MECOM: variants seen among roughly 807,000 people sequenced by gnomAD.
The protein encoded by MECOM is MDS1 and EVI1 complex locus, also known as histone-lysine N-methyltransferase MECOM.
Under a neutral mutation model 116.3 loss-of-function variants are expected in MECOM, and 13 were observed. The ratio of observed to expected loss-of-function variants is 0.11; its 90% CI spans 0.07 to 0.18. The LOEUF is 0.18. MECOM is among the 10% of genes least tolerant of loss of function. The pLI, the probability that MECOM is intolerant of heterozygous loss-of-function variation, is 1.00. For synonymous variants in MECOM, 528 were observed against 535.2 expected, an observed-to-expected ratio of 0.99 and a Z score of 0.19; for missense variants, 1,299 against 1,509.0, an observed-to-expected ratio of 0.86 and a Z score of 2.31.
intron 2 of MECOM, among the ~76,000 whole-genome samples, chr3:169,331,866 G>A (rs1054637947): frequency 2.0e-5 from 3 of 151,902 alleles, no homozygotes; most frequent in Non-Finnish European, 4.4e-5. Context: ...TCCTCAAAGA[G>A]GCTTTTGATT....
chr3:169,206,852 T>A (rs1236216895), intron 2 of MECOM, among the ~76,000 whole-genome samples: 3 of 151,782 alleles, frequency 2.0e-5, no homozygotes, highest in Non-Finnish European at 4.4e-5. Context: ...AAAAACAAAT[T>A]CCAAGATGAT....
At chr3:169,124,695 A>G (rs1055546734) in intron 5 of MECOM, among the ~76,000 whole-genome samples, 3 of 152,134 alleles carry the variant, frequency 2.0e-5, no homozygotes, top group Non-Finnish European at 4.4e-5. Flanking sequence ...AGCAGGTATA[A>G]TGACAAGATT....
chr3:169,393,999 A>C (rs974033153), intron 1 of MECOM, among the ~76,000 whole-genome samples: 1 of 152,182 alleles, frequency 6.6e-6, no homozygotes, highest in Non-Finnish European at 1.5e-5. Context: ...TAATTCTATC[A>C]AAAGCACATA....
chr3:169,616,057 G>C (rs1769955313), intron 1 of MECOM, among the ~76,000 whole-genome samples: 1 of 152,200 alleles, frequency 6.6e-6, no homozygotes. Context: ...GGGAGGCAGA[G>C]GGGGAGTCGC....
intron 2 of MECOM, among the ~76,000 whole-genome samples, chr3:169,194,495 TA>T (rs964973170): frequency 3.3e-5 from 5 of 151,740 alleles, no homozygotes; most frequent in South Asian, 2.1e-4. Context: ...ATTTAAAGGT[TA>T]AAAAAAAGCT....
intron 1 of MECOM, among the ~76,000 whole-genome samples, chr3:169,407,890 T>C (rs879371869): frequency 4.6e-5 from 7 of 152,224 alleles, no homozygotes; most frequent in Admixed American, 4.6e-4. Context: ...TTATCCAGAA[T>C]ACTGTGACAT....
intron 2 of MECOM, among the ~76,000 whole-genome samples, chr3:169,271,339 T>C (rs183057281): frequency 2.6e-5 from 4 of 152,302 alleles, no homozygotes; most frequent in Admixed American, 6.5e-5. Flanking sequence ...TCACCAGGCA[T>C]ATTTTTGTTA....
intron 1 of MECOM, among the ~76,000 whole-genome samples, chr3:169,549,541 A>G (rs1218749502): frequency 1.3e-5 from 2 of 152,194 alleles, no homozygotes; most frequent in African/African-American, 2.4e-5. Context: ...ATGAAGCAGC[A>G]GGTGTGGACT....
At position 169,143,824 on chromosome 3, in the gene MECOM, G is replaced by C; in HGVS notation, c.384C>G (p.Asp128Glu). 1 of 1,604,492 alleles carries C rather than the reference G, an allele frequency of 6.2e-7. No homozygotes were observed. Among genetic ancestry groups the C allele is most frequent in the Non-Finnish European group, 8.5e-7 (1 of 1,175,312 alleles). The change falls in exon 3 of 17, where the codon GAC becomes GAG. Residue 128 changes from aspartate (D) to glutamate (E), a missense_variant. Asp to Glu is a conservative substitution (Grantham distance 45). Around this residue, in one of 6 missense-constraint regions of MECOM, gnomAD observed 374 missense variants for 433.4 expected, o/e 0.86. Transcript: ENST00000651503. ...TGCAGAACTTCACATTGTAAAATTC[G>C]TCTAAGATCTGGAGGGAAGAAGATG... Reference protein sequence around the residue: ...KDPSYGWEILDEFYNVKFCID... With the variant: ...KDPSYGWEILEEFYNVKFCID...
chr3:169,480,411 G>A (rs1387747341), intron 1 of MECOM, among the ~76,000 whole-genome samples: 2 of 151,948 alleles, frequency 1.3e-5, no homozygotes, highest in Non-Finnish European at 2.9e-5. Context: ...GCCCTACACT[G>A]CTCTTCCTCC....
chr3:169,286,484 T>A (rs998200550), intron 2 of MECOM, among the ~76,000 whole-genome samples: 8 of 152,224 alleles, frequency 5.3e-5, no homozygotes, highest in Admixed American at 2.0e-4. Flanking sequence ...AGGCAGCATG[T>A]ACTAATGGTT....
At chr3:169,475,908 A>T (rs1560324271) in intron 1 of MECOM, among the ~76,000 whole-genome samples, 1 of 152,216 alleles carries the variant, frequency 6.6e-6, no homozygotes, top group Non-Finnish European at 1.5e-5. Flanking sequence ...TTATTGCAAC[A>T]GTATAAAATC....
At chr3:169,497,971 A>G (rs1754040091) in intron 1 of MECOM, among the ~76,000 whole-genome samples, 1 of 152,250 alleles carries the variant, frequency 6.6e-6, no homozygotes, top group Non-Finnish European at 1.5e-5. Context: ...AATCAGCTGA[A>G]AAAACAAAAG....
chr3:169,662,656 C>G (rs539113661), intron 1 of MECOM, among the ~76,000 whole-genome samples: 45 of 151,638 alleles, frequency 3.0e-4, no homozygotes, highest in African/African-American at 9.9e-4. Flanking sequence ...AGCGCCGCGC[C>G]GGAGAGCATG....
intron 2 of MECOM, among the ~76,000 whole-genome samples, chr3:169,273,727 T>C (rs1043239881): frequency 1.3e-5 from 2 of 151,998 alleles, no homozygotes; most frequent in African/African-American, 4.8e-5. Context: ...TCGTTGCTCA[T>C]CCTAATCACA....
intron 1 of MECOM, among the ~76,000 whole-genome samples, chr3:169,618,400 T>C (rs942752957): frequency 5.9e-5 from 9 of 152,184 alleles, no homozygotes; most frequent in African/African-American, 2.2e-4. Context: ...CTCACACCTG[T>C]AATCCCAGCA....
rs562439874 is a variant in MECOM, at chr3:169,494,452, G to A, written c.38-112928C>T. Among the ~76,000 whole-genome samples, 11 of 152,226 alleles carry A rather than the reference G, an allele frequency of 7.2e-5. No individual in the cohort carries two copies. In the East Asian group the frequency reaches 1.9e-3, roughly 27 times the overall value. On this transcript the variant is annotated intron_variant, in intron 1 of 16. Coordinates refer to ENST00000651503, the MANE Select transcript of MECOM (RefSeq NM_004991.4). The stretch of plus-strand genomic sequence containing the variant: ...CTACCCAAGAAGTCAGATGCCACAA[G>A]TTCTAACTGTTGAGAATACAATTAA...
intron 2 of MECOM, among the ~76,000 whole-genome samples, chr3:169,369,109 G>A (rs73038605): frequency 0.023 from 3,512 of 152,042 alleles, 147 homozygotes; most frequent in African/African-American, 0.081. Context: ...GGAAGTACTA[G>A]AGGTTGCCCA....
intron 2 of MECOM, among the ~76,000 whole-genome samples, chr3:169,372,246 A>G (rs9850683): frequency 0.034 from 5,101 of 152,208 alleles, 289 homozygotes; most frequent in African/African-American, 0.11. Context: ...TCTGGCTGAG[A>G]TGAACACAAA....
Sources: gnomAD v4.1 joint callset for allele counts (sites outside exome capture counted in the v4.1 genomes callset) on GRCh38, gnomAD v4.1.1 for gene constraint, gnomAD v4.1.1 regional missense constraint, MANE v1.5 for transcripts, NCBI Gene and HGNC (gene_info 2026-07-23, HGNC 2026-07-21) for gene names.